The following MIPOL1 variants were observed in gnomAD, a reference collection of about 807,000 sequenced individuals.
MIPOL1 encodes mirror-image polydactyly gene 1 protein.
In MIPOL1, 57 loss-of-function variants were observed where a neutral mutation model predicts 60.9. The ratio of observed to expected loss-of-function variants is 0.94; its 90% CI spans 0.76 to 1.17. The LOEUF (loss-of-function observed/expected upper bound fraction) is 1.17, where lower values mean the gene tolerates loss of function less well. MIPOL1 is among the 50% of genes most tolerant of loss of function. The pLI is 0.00. For synonymous variants in MIPOL1, 179 were observed against 168.8 expected, an observed-to-expected ratio of 1.06 and a Z score of -0.47; for missense variants, 551 against 511.6, an observed-to-expected ratio of 1.08 and a Z score of -0.74.
intron 7 of MIPOL1, among the ~76,000 whole-genome samples, chr14:37,293,703 T>G (rs2085323893): frequency 6.6e-6 from 1 of 152,140 alleles, no homozygotes; most frequent in South Asian, 2.1e-4. Flanking sequence ...ACGGAGCCTC[T>G]CTCATTGCCA....
chr14:37,325,357 AAT>A (rs34919503), intron 9 of MIPOL1, among the ~76,000 whole-genome samples: 8 of 152,070 alleles, frequency 5.3e-5, no homozygotes, highest in Admixed American at 1.3e-4. Flanking sequence ...GAGAAGCAAA[AAT>A]ATACTCTTTT....
chr14:37,442,485 G>A (rs56077070), intron 11 of MIPOL1, among the ~76,000 whole-genome samples: 11,757 of 151,930 alleles, frequency 0.077, 617 homozygotes, highest in Non-Finnish European at 0.11. Context: ...TTGCCCATTC[G>A]GTATGATGTT....
chr14:37,476,155 G>A (rs916369715), intron 11 of MIPOL1, among the ~76,000 whole-genome samples: 10 of 151,784 alleles, frequency 6.6e-5, no homozygotes, highest in East Asian at 3.9e-4. Flanking sequence ...TTCTCTTTTC[G>A]GCATTAATGT....
At chr14:37,255,877 G>A (rs889416123) in intron 3 of MIPOL1, among the ~76,000 whole-genome samples, 2 of 151,828 alleles carry the variant, frequency 1.3e-5, no homozygotes, top group African/African-American at 4.8e-5. Flanking sequence ...ACAGATTCTA[G>A]TTTTTACATA....
intron 11 of MIPOL1, among the ~76,000 whole-genome samples, chr14:37,489,592 C>T (rs2095013686): frequency 6.6e-6 from 1 of 152,130 alleles, no homozygotes; most frequent in Non-Finnish European, 1.5e-5. Flanking sequence ...GATTTATCTA[C>T]TTTTGGTCTT....
intron 11 of MIPOL1, among the ~76,000 whole-genome samples, chr14:37,480,337 A>G (rs1247500560): frequency 9.9e-5 from 15 of 152,192 alleles, no homozygotes; most frequent in Admixed American, 9.2e-4. Context: ...TCAACAACAC[A>G]TTATAAATCC....
At chr14:37,287,947 G>A (rs2084716182) in intron 7 of MIPOL1, among the ~76,000 whole-genome samples, 1 of 151,948 alleles carries the variant, frequency 6.6e-6, no homozygotes, top group African/African-American at 2.4e-5. Flanking sequence ...CTCGTAAATT[G>A]TTTCAATTGA....
At chr14:37,457,505 T>G (rs956285792) in intron 11 of MIPOL1, among the ~76,000 whole-genome samples, 1 of 152,122 alleles carries the variant, frequency 6.6e-6, no homozygotes, top group African/African-American at 2.4e-5. Flanking sequence ...CAGGATAATC[T>G]TCTCTCCCTC....
rs77081661 is a variant in MIPOL1, at chr14:37,541,586, C to T, written c.1263-5319C>T. 7.4e-3 allele frequency among the ~76,000 whole-genome samples: 1,128 copies of T among 152,278 alleles called. 17 individuals carry two copies. The highest frequency in any genetic ancestry group is 0.026 in the African/African-American group (1,064 of 41,560). On this transcript the variant is annotated intron_variant, in intron 12 of 12. Coordinates refer to ENST00000684589, the MANE Select transcript of MIPOL1 (RefSeq NM_001388067.1). ...AATCCTTTTTCAAATCCCTGGTCACCTCCCTTTCTTGTCCTATTAAACCCT... is the reference window on the plus strand; with the variant it reads ...AATCCTTTTTCAAATCCCTGGTCACTTCCCTTTCTTGTCCTATTAAACCCT...
chr14:37,524,658 C>T (rs1404407169), intron 12 of MIPOL1, among the ~76,000 whole-genome samples: 1 of 146,330 alleles, frequency 6.8e-6, no homozygotes, highest in Non-Finnish European at 1.5e-5. Context: ...ACCTCTGGCT[C>T]CCAGGTTCAA....
intron 1 of MIPOL1, among the ~76,000 whole-genome samples, chr14:37,232,161 C>G (rs999351049): frequency 3.3e-5 from 5 of 152,162 alleles, no homozygotes; most frequent in African/African-American, 1.2e-4. Context: ...TGCAGTGTAC[C>G]TAATGTATAC....
chr14:37,530,304 G>A (rs1297633125), intron 12 of MIPOL1, among the ~76,000 whole-genome samples: 1 of 152,110 alleles, frequency 6.6e-6, no homozygotes, highest in Non-Finnish European at 1.5e-5. Flanking sequence ...TTTCTTTTGT[G>A]TAACCCTAAC....
At chr14:37,495,393 T>A (rs555183572) in intron 11 of MIPOL1, among the ~76,000 whole-genome samples, 83 of 150,142 alleles carry the variant, frequency 5.5e-4, no homozygotes, top group African/African-American at 1.5e-3. Context: ...TGGTTTTTTG[T>A]TCTTGCGATA....
chr14:37,541,297 C>A (rs1770167223), intron 12 of MIPOL1, among the ~76,000 whole-genome samples: 2 of 152,180 alleles, frequency 1.3e-5, no homozygotes, highest in African/African-American at 4.8e-5. Flanking sequence ...AGTAACAGCC[C>A]TTTGTTGACT....
intron 7 of MIPOL1, among the ~76,000 whole-genome samples, chr14:37,288,053 G>A (rs1422952790): frequency 6.6e-6 from 1 of 152,198 alleles, no homozygotes; most frequent in Non-Finnish European, 1.5e-5. Flanking sequence ...CAAGCTTGAG[G>A]ATTGCAGCCT....
At chr14:37,290,228 T>G (rs901535879) in intron 7 of MIPOL1, among the ~76,000 whole-genome samples, 9 of 152,148 alleles carry the variant, frequency 5.9e-5, no homozygotes, top group Non-Finnish European at 1.3e-4. Flanking sequence ...GGGTTTTGTT[T>G]GTTTGTTTGT....
At chr14:37,494,278 T>A (rs1353492538) in intron 11 of MIPOL1, among the ~76,000 whole-genome samples, 1 of 152,142 alleles carries the variant, frequency 6.6e-6, no homozygotes, top group Non-Finnish European at 1.5e-5. Context: ...AACCACAAGA[T>A]GAAATGGAAA....
At chr14:37,304,086 C>G (rs1197731127) in intron 7 of MIPOL1, among the ~76,000 whole-genome samples, 1 of 151,722 alleles carries the variant, frequency 6.6e-6, no homozygotes, top group Non-Finnish European at 1.5e-5. Context: ...CAATGCATAA[C>G]TGTTTTTGCT....
At chr14:37,431,569 CTTTTTTTTTTTT>C (rs869258490) in intron 11 of MIPOL1, among the ~76,000 whole-genome samples, 4 of 64,852 alleles carry the variant, frequency 6.2e-5, no homozygotes, top group Non-Finnish European at 7.7e-5. Flanking sequence ...ATCTCTGTTT[CTTTTTTTTTTTT>C]TTTTTTTTTT....
Sources: gnomAD v4.1 joint callset for allele counts (sites outside exome capture counted in the v4.1 genomes callset) on GRCh38, gnomAD v4.1.1 for gene constraint, MANE v1.5 for transcripts, NCBI Gene and HGNC (gene_info 2026-07-23, HGNC 2026-07-21) for gene names.